The following AKR1C4 variants were observed in gnomAD, a reference collection of about 807,000 sequenced individuals.
AKR1C4 encodes 3-alpha-HSD1.
In AKR1C4, 44 loss-of-function variants were observed where a neutral mutation model predicts 41.0. The ratio of observed to expected loss-of-function variants is 1.07; its 90% CI spans 0.84 to 1.38. The LOEUF (loss-of-function observed/expected upper bound fraction) is 1.38, where lower values mean the gene tolerates loss of function less well. AKR1C4 is among the 40% of genes most tolerant of loss of function. AKR1C4 has a pLI of 0.00. For missense variants in AKR1C4, 438 were observed against 387.9 expected (o/e 1.13, Z -1.09); for synonymous variants, 165 against 137.7 (o/e 1.20, Z -1.39).
chr10:5,214,216 A>G (rs781796477), intron 7 of AKR1C4, among the ~76,000 whole-genome samples: 2 of 152,304 alleles, frequency 1.3e-5, no homozygotes, highest in Admixed American at 6.5e-5. Context: ...TGAAAAGTCC[A>G]TATTTGCTCA....
rs3829125 is a variant in AKR1C4, at chr10:5,205,821, C to G, written c.434C>G (p.Ser145Cys). ...GTAATATTCGACACAGTGGATCTCT[C>G]TGCCACATGGGAGGTGAGTGCTTGG... ...GKVIFDTVDL[S>C]ATWEVMEKCK... The change falls in exon 4 of 9, where the codon TCT (serine) becomes TGT (cysteine). Residue 145 changes from serine (S) to cysteine (C), a missense_variant. Coordinates refer to ENST00000263126, the MANE Select transcript of AKR1C4 (RefSeq NM_001818.5). 0.14 allele frequency: 227,416 copies of G among 1,612,174 alleles called. 17,158 individuals carry two copies. The highest frequency in any genetic ancestry group is 0.19 in the Admixed American group (11,593 of 59,920).
rs1355873687 is a variant in AKR1C4, at chr10:5,204,498, G to A, written c.369+5G>A. ...CATTTCCCAATGGCTCTCAAGGTAG[G>A]GAATTTGTGAGATCAACTTCTCTTC... On this transcript the variant is annotated splice_donor_5th_base_variant and intron_variant, in intron 3 of 8. Coordinates refer to ENST00000263126, the MANE Select transcript of AKR1C4 (RefSeq NM_001818.5). The A allele has an allele frequency of 6.3e-7, 1 of 1,589,640 alleles. No individual in the cohort carries two copies. Among genetic ancestry groups the A allele is most frequent in the Non-Finnish European group, 8.6e-7 (1 of 1,158,162 alleles).
intron 5 of AKR1C4, among the ~76,000 whole-genome samples, chr10:5,206,674 A>C (rs1382018989): frequency 6.6e-6 from 1 of 152,090 alleles, no homozygotes; most frequent in African/African-American, 2.4e-5. Flanking sequence ...ATCAGAACTC[A>C]GGGAGAAGGT....
intron 1 of AKR1C4, among the ~76,000 whole-genome samples, chr10:5,197,278 G>A (rs1292527973): frequency 6.6e-6 from 1 of 152,204 alleles, no homozygotes; most frequent in South Asian, 2.1e-4. Flanking sequence ...GGAGATGACT[G>A]CAGTGAGAAT....
intron 2 of AKR1C4, among the ~76,000 whole-genome samples, chr10:5,202,986 G>C (rs567680873): frequency 8.0e-6 from 1 of 125,782 alleles, no homozygotes; most frequent in Admixed American, 8.4e-5. Flanking sequence ...TGTGTGTTAT[G>C]TCCTTTCCTG....
chr10:5,197,222 T>C (rs1554796397), intron 1 of AKR1C4, among the ~76,000 whole-genome samples: 2 of 152,248 alleles, frequency 1.3e-5, no homozygotes, highest in African/African-American at 4.8e-5. Flanking sequence ...TGGCAGAATA[T>C]ATAAAACTCA....
chr10:5,204,664 TATG>T (rs781936225), intron 3 of AKR1C4, 171 bp downstream of exon 3: 3 of 756,248 alleles, frequency 4.0e-6, no homozygotes, highest in Non-Finnish European at 7.3e-6. Flanking sequence ...TTCTGTAACG[TATG>T]ATGACAAGAG....
chr10:5,208,925 A>G (rs1017827070), intron 5 of AKR1C4, among the ~76,000 whole-genome samples: 1 of 148,500 alleles, frequency 6.7e-6, no homozygotes, highest in South Asian at 2.1e-4. Flanking sequence ...AAAACATCCA[A>G]TTGTGACTTT....
intron 8 of AKR1C4, 116 bp from the exon 9 acceptor site, chr10:5,218,602 G>T (rs1025771114): frequency 5.6e-6 from 4 of 711,320 alleles, no homozygotes; most frequent in Admixed American, 2.6e-5. Flanking sequence ...CAAATAGTCC[G>T]AAAATAAACT....
intron 7 of AKR1C4, among the ~76,000 whole-genome samples, chr10:5,214,243 A>G (rs1459725111): frequency 6.6e-6 from 1 of 152,166 alleles, no homozygotes; most frequent in Non-Finnish European, 1.5e-5. Flanking sequence ...TTGATTTTTC[A>G]TCCTAAGTGT....
chr10:5,204,173 A>T (rs1832449329), intron 2 of AKR1C4, among the ~76,000 whole-genome samples: 1 of 152,198 alleles, frequency 6.6e-6, no homozygotes, highest in Non-Finnish European at 1.5e-5. Context: ...TGAAAATTTT[A>T]ATTCCATTGT....
At chr10:5,212,556 C>T in intron 5 of AKR1C4, 60 bp from the exon 6 acceptor site, 2 of 1,406,706 alleles carry the variant, frequency 1.4e-6, no homozygotes, top group Non-Finnish European at 1.9e-6. Context: ...TTATTTTAAT[C>T]TTTATATTAA....
At chr10:5,203,528 G>GA (rs1394563291) in intron 2 of AKR1C4, among the ~76,000 whole-genome samples, 1 of 152,208 alleles carries the variant, frequency 6.6e-6, no homozygotes, top group African/African-American at 2.4e-5. Flanking sequence ...CCCTGGTGGG[G>GA]AAGAGTATTC....
At chr10:5,198,671 C>CTTCCATGTGCCTTT (rs1564399461) in intron 1 of AKR1C4, among the ~76,000 whole-genome samples, 1 of 152,158 alleles carries the variant, frequency 6.6e-6, no homozygotes, top group Non-Finnish European at 1.5e-5. Context: ...ACCATAATTT[C>CTTCCATGTGCCTTT]TTCCATGTGC....
intron 7 of AKR1C4, 23 bp downstream of exon 7, chr10:5,213,182 G>C: frequency 6.2e-7 from 1 of 1,612,106 alleles, no homozygotes; most frequent in Non-Finnish European, 8.5e-7. Context: ...GTGGGCATCA[G>C]GGCTCCTGCA....
chr10:5,198,675 C>T (rs373987442), intron 1 of AKR1C4, among the ~76,000 whole-genome samples: 3 of 152,114 alleles, frequency 2.0e-5, no homozygotes, highest in African/African-American at 7.2e-5. Flanking sequence ...TAATTTCTTC[C>T]ATGTGCCTTT....
At chr10:5,208,777 T>C (rs1832526670) in intron 5 of AKR1C4, among the ~76,000 whole-genome samples, 1 of 151,262 alleles carries the variant, frequency 6.6e-6, no homozygotes, top group Non-Finnish European at 1.5e-5. Context: ...AAATAGAAGA[T>C]GAAAAAATTT....
At chr10:5,213,273 C>T (rs1832606159) in intron 7 of AKR1C4, 114 bp downstream of exon 7, 1 of 1,479,448 alleles carries the variant, frequency 6.8e-7, no homozygotes, top group Non-Finnish European at 9.1e-7. Context: ...ATTTCCTATG[C>T]ACAAATGCTT....
At chr10:5,198,510 C>T (rs1417028187) in intron 1 of AKR1C4, among the ~76,000 whole-genome samples, 1 of 152,114 alleles carries the variant, frequency 6.6e-6, no homozygotes, top group African/African-American at 2.4e-5. Context: ...TTAACCAGCA[C>T]CCAGTTAAAA....
Sources: gnomAD v4.1 joint callset for allele counts (sites outside exome capture counted in the v4.1 genomes callset) on GRCh38, gnomAD v4.1.1 for gene constraint, MANE v1.5 for transcripts, NCBI Gene and HGNC (gene_info 2026-07-23, HGNC 2026-07-21) for gene names.